Variants in MAP1B observed in about 807,000 individuals in gnomAD.
The protein encoded by MAP1B is microtubule-associated protein 1B.
Under a neutral mutation model 176.1 loss-of-function variants are expected in MAP1B, and 12 were observed. That is an observed-to-expected ratio of 0.07 (90% confidence interval 0.04 to 0.11). The LOEUF (loss-of-function observed/expected upper bound fraction) is 0.11. Ranked by LOEUF, MAP1B falls within the 10% of genes least tolerant of loss-of-function variation. The pLI is 1.00. For missense variants in MAP1B, 2,523 were observed against 2,990.5 expected (o/e 0.84, Z 3.65); for synonymous variants, 1,044 against 1,135.0 (o/e 0.92, Z 1.61).
intron 6 of MAP1B, 45 bp downstream of exon 6, chr5:72,203,846 C>T (rs1056084452): frequency 1.3e-6 from 2 of 1,571,870 alleles, no homozygotes; most frequent in Non-Finnish European, 1.7e-6. Flanking sequence ...TGAGCTGTGT[C>T]CAGAGGCAAT....
In MAP1B at chr5:72,197,003, C is replaced by A. The variant is rs1403993018; in HGVS notation, c.3648C>A (p.Asp1216Glu). 6.2e-7 allele frequency: 1 copy of A among 1,614,068 alleles called. No homozygotes were observed. The highest frequency in any genetic ancestry group is 1.3e-5 in the African/African-American group (1 of 74,936). The change falls in exon 5 of 7, where the codon GAC becomes GAA. Residue 1216 changes from aspartate to glutamate, a missense_variant. Physicochemically the swap from Asp to Glu is conservative, Grantham distance 45. Around this residue, in one of 4 missense-constraint regions of MAP1B, gnomAD observed 1,925 missense variants for 2,126.0 expected, o/e 0.91. Coordinates refer to ENST00000296755, the MANE Select transcript of MAP1B (RefSeq NM_005909.5). ...TISPPSSMEE[D>E]KFSRSALRDA... ...CACCACCCTCTTCCATGGAGGAAGA[C>A]AAATTCAGCAGATCTGCTTTACGTG...
intron 2 of MAP1B, among the ~76,000 whole-genome samples, chr5:72,124,456 A>T (rs1263436902): frequency 8.5e-5 from 13 of 152,240 alleles, no homozygotes; most frequent in Admixed American, 8.5e-4. Flanking sequence ...TCTACATGTG[A>T]TTTAAAAATA....
chr5:72,170,698 G>A (rs1294367474), intron 2 of MAP1B, among the ~76,000 whole-genome samples: 3 of 152,140 alleles, frequency 2.0e-5, no homozygotes, highest in South Asian at 2.1e-4. Flanking sequence ...GGTTGTTCAC[G>A]CCTGTAATCC....
chr5:72,113,102 C>T (rs1745373402), intron 1 of MAP1B, among the ~76,000 whole-genome samples: 1 of 152,156 alleles, frequency 6.6e-6, no homozygotes, highest in Non-Finnish European at 1.5e-5. Flanking sequence ...CAATATGAAC[C>T]TTCATTAACA....
At chr5:72,153,596 G>T (rs1746181238) in intron 2 of MAP1B, among the ~76,000 whole-genome samples, 2 of 151,958 alleles carry the variant, frequency 1.3e-5, no homozygotes, top group South Asian at 4.2e-4. Flanking sequence ...TGGGTGATAT[G>T]TGGCGTGTGG....
intron 2 of MAP1B, among the ~76,000 whole-genome samples, chr5:72,138,236 GAC>G (rs1745872659): frequency 6.6e-6 from 1 of 152,132 alleles, no homozygotes; most frequent in South Asian, 2.1e-4. Flanking sequence ...GGTGGAGAAA[GAC>G]ACACATATAC....
At chr5:72,125,318 T>TTG (rs1004626593) in intron 2 of MAP1B, among the ~76,000 whole-genome samples, 1 of 151,942 alleles carries the variant, frequency 6.6e-6, no homozygotes, top group Non-Finnish European at 1.5e-5. Context: ...GCATATGTGT[T>TTG]TGTGTGTGTG....
rs766846125 is a variant in MAP1B, at chr5:72,205,242, A to T, written c.*3A>T. On this transcript the variant is annotated 3_prime_UTR_variant, in exon 7 of 7. Transcript: ENST00000296755. ...CTGCATGCAAGATTGAACTGTAAAA[A>T]CCAAGGCCAGCCACACCACAGGATC... 3 of 1,608,702 alleles carry T rather than the reference A, an allele frequency of 1.9e-6. No individual in the cohort carries two copies. Among genetic ancestry groups the T allele is most frequent in the African/African-American group, 1.3e-5 (1 of 74,790 alleles).
chr5:72,138,722 G>A (rs1745883089), intron 2 of MAP1B, among the ~76,000 whole-genome samples: 1 of 152,186 alleles, frequency 6.6e-6, no homozygotes, highest in African/African-American at 2.4e-5. Context: ...AATCTTTACT[G>A]ATGTGTAATG....
chr5:72,203,068 T>C (rs1270289197), intron 5 of MAP1B, among the ~76,000 whole-genome samples: 1 of 152,226 alleles, frequency 6.6e-6, no homozygotes, highest in Non-Finnish European at 1.5e-5. Context: ...GGTAGAATGT[T>C]AGGGTATAAT....
At chr5:72,144,110 G>T (rs913342830) in intron 2 of MAP1B, among the ~76,000 whole-genome samples, 2 of 152,014 alleles carry the variant, frequency 1.3e-5, no homozygotes, top group African/African-American at 4.8e-5. Context: ...TCCAAATGAG[G>T]TCACATTCTG....
Position 72,199,032 on chromosome 5 carries a change from G to A in MAP1B, c.5677G>A (p.Glu1893Lys). The A allele has an allele frequency of 6.2e-7, 1 of 1,614,180 alleles. No homozygotes were observed. Among genetic ancestry groups the A allele is most frequent in the South Asian group, 1.1e-5 (1 of 91,082 alleles). The part of the protein sequence containing the change: ...DEEDYDYESY[E>K]KTTRTSDVGG... Reference sequence around the variant, plus strand: ...AGAAGATTATGACTATGAGTCTTATGAGAAGACCACCCGGACCTCAGATGT... The same window carrying A: ...AGAAGATTATGACTATGAGTCTTATAAGAAGACCACCCGGACCTCAGATGT... The change falls in exon 5 of 7, where the codon GAG becomes AAG. Residue 1893 changes from glutamate to lysine, a missense_variant. Glu to Lys is a moderately conservative substitution (Grantham distance 56). Around this residue, in one of 4 missense-constraint regions of MAP1B, gnomAD observed 1,925 missense variants for 2,126.0 expected, o/e 0.91. Transcript: ENST00000296755. This position sits in a 1 kb window ranked among gnomAD's most constrained non-coding sequence, Gnocchi z 4.2.
At position 72,203,736 on chromosome 5, in the gene MAP1B, G is replaced by A. The variant is rs1270615271; in HGVS notation, c.7186G>A (p.Glu2396Lys). Residue 2396 changes from glutamate (E) to lysine (K), a missense_variant, in exon 6 of 7, where the codon GAG becomes AAG. Transcript: ENST00000296755. ...VVSGNDPAAEEPSRAVLDALL... is the reference protein window; with the variant it reads ...VVSGNDPAAEKPSRAVLDALL... The stretch of plus-strand genomic sequence containing the variant: ...GAGTGGGAATGACCCTGCTGCTGAG[G>A]AGCCCAGCCGGGCTGTCCTGGACGC... 1 of 1,613,762 alleles carries A rather than the reference G, an allele frequency of 6.2e-7. No individual in the cohort carries two copies. The highest frequency in any genetic ancestry group is 8.5e-7 in the Non-Finnish European group (1 of 1,180,018).
At position 72,198,381 on chromosome 5, in the gene MAP1B, G is replaced by A. The variant is rs149740474; in HGVS notation, c.5026G>A (p.Val1676Met). 6.4e-3 allele frequency: 10,396 copies of A among 1,614,114 alleles called. 45 individuals carry two copies. Among genetic ancestry groups the A allele is most frequent in the Non-Finnish European group, 7.8e-3 (9,183 of 1,179,988 alleles). ...AGATCACCCTACAGTGGGTGCAGGC[G>A]TGCTTCACATCACTGAAAATGGGCC... ...SPDHPTVGAG[V>M]LHITENGPTE... Residue 1676 changes from valine (V) to methionine (M), a missense_variant, in exon 5 of 7, where the codon GTG becomes ATG. Around this residue, in one of 4 missense-constraint regions of MAP1B, gnomAD observed 1,925 missense variants for 2,126.0 expected, o/e 0.91. Coordinates refer to ENST00000296755, the MANE Select transcript of MAP1B (RefSeq NM_005909.5).
intron 5 of MAP1B, among the ~76,000 whole-genome samples, chr5:72,201,098 C>T (rs1026483934): frequency 2.0e-5 from 3 of 152,058 alleles, no homozygotes; most frequent in Non-Finnish European, 4.4e-5. Flanking sequence ...TGCATGGCCT[C>T]ATGCCTGTAA....
chr5:72,205,391 T>A lies in MAP1B; in HGVS notation c.*152T>A. The A allele has an allele frequency of 1.4e-6, 1 of 734,296 alleles. No homozygotes were observed. Among genetic ancestry groups the A allele is most frequent in the Non-Finnish European group, 2.1e-6 (1 of 467,422 alleles). 45.5% of individuals were successfully genotyped at this position (734,296 alleles called of 1,614,324 possible). On this transcript the variant is annotated 3_prime_UTR_variant, in exon 7 of 7. Transcript: ENST00000296755. ...ACTGTGTCATGGTGATGCAAGTCACTAAATTTCTCAGTTTTTGCTGATTGC... is the reference window on the plus strand; with the variant it reads ...ACTGTGTCATGGTGATGCAAGTCACAAAATTTCTCAGTTTTTGCTGATTGC...
chr5:72,198,099 C>T lies in MAP1B; in HGVS notation c.4744C>T (p.His1582Tyr). ...TCTGCATGCTGAGGTTGGCTCCCCACATTCCACAGAAGTAGATGACTCCCT... is the reference window on the plus strand; with the variant it reads ...TCTGCATGCTGAGGTTGGCTCCCCATATTCCACAGAAGTAGATGACTCCCT... ...PSLHAEVGSP[H>Y]STEVDDSLSV... The change falls in exon 5 of 7, where the codon CAT becomes TAT. Residue 1582 changes from histidine to tyrosine, a missense_variant. Coordinates refer to ENST00000296755, the MANE Select transcript of MAP1B (RefSeq NM_005909.5). 1.2e-6 allele frequency: 2 copies of T among 1,614,234 alleles called. No homozygotes were observed. Among genetic ancestry groups the T allele is most frequent in the Non-Finnish European group, 8.5e-7 (1 of 1,180,026 alleles).
Position 72,199,053 on chromosome 5 carries a change from G to A in MAP1B, c.5698G>A (p.Asp1900Asn). The A allele has an allele frequency of 6.2e-7, 1 of 1,614,174 alleles. No individual in the cohort carries two copies. ...TTATGAGAAGACCACCCGGACCTCA[G>A]ATGTGGGTGGCTATTACTATGAGAA... is the stretch of plus-strand genomic sequence containing the variant. Reference protein sequence around the residue: ...ESYEKTTRTSDVGGYYYEKIE... With the variant: ...ESYEKTTRTSNVGGYYYEKIE... The change falls in exon 5 of 7, where the codon GAT becomes AAT. Residue 1900 changes from aspartate (D) to asparagine (N), a missense_variant. Asp to Asn is a conservative substitution (Grantham distance 23). Transcript: ENST00000296755. This position sits in a 1 kb window ranked among gnomAD's most constrained non-coding sequence, Gnocchi z 4.2.
chr5:72,192,434 G>T (rs1441027104), intron 4 of MAP1B, among the ~76,000 whole-genome samples: 1 of 152,168 alleles, frequency 6.6e-6, no homozygotes, highest in Non-Finnish European at 1.5e-5. Flanking sequence ...TTATTATTTT[G>T]TTATTTTGCG....
Sources: gnomAD v4.1 joint callset for allele counts (sites outside exome capture counted in the v4.1 genomes callset) on GRCh38, gnomAD v4.1.1 for gene constraint, gnomAD v4.1.1 regional missense constraint, Gnocchi (gnomAD v3.1) non-coding constraint, MANE v1.5 for transcripts, NCBI Gene and HGNC (gene_info 2026-07-23, HGNC 2026-07-21) for gene names.